LTBP1: variants seen among roughly 807,000 people sequenced by gnomAD.
LTBP1 encodes latent transforming growth factor beta binding protein 1.
In LTBP1, 129 loss-of-function variants were observed where a neutral mutation model predicts 207.6. The observed-to-expected ratio is 0.62, with a 90% CI of 0.54 to 0.72. The LOEUF is 0.72. LTBP1 is among the 30% of genes least tolerant of loss of function. The pLI, the probability that LTBP1 is intolerant of heterozygous loss-of-function variation, is 0.00. For synonymous variants in LTBP1, 963 were observed against 833.7 expected, an observed-to-expected ratio of 1.16 and a Z score of -2.67; for missense variants, 2,281 against 2,217.2, an observed-to-expected ratio of 1.03 and a Z score of -0.58.
chr2:33,364,386 C>A, intron 30 of LTBP1, 30 bp downstream of exon 30: 1 of 1,583,088 alleles, frequency 6.3e-7, no homozygotes, highest in Non-Finnish European at 8.6e-7. Context: ...AAACCTGTGT[C>A]CAAATAACTA....
chr2:33,010,766 C>T (rs542221582), intron 2 of LTBP1, among the ~76,000 whole-genome samples: 1 of 147,228 alleles, frequency 6.8e-6, no homozygotes, highest in Admixed American at 6.9e-5. Context: ...TGTCACCAAG[C>T]TGGAGTGCAG....
In LTBP1 at chr2:33,047,602, G is replaced by A. The variant is rs1388824076; in HGVS notation, c.863+26396G>A. ...AGATTGTATATTCTGTTGATTTGGG[G>A]TGGAGAGTTCTGTAGACGTCTGTTA... On this transcript the variant is annotated intron_variant, in intron 3 of 33. Coordinates refer to ENST00000404816, the MANE Select transcript of LTBP1 (RefSeq NM_206943.4). Among the ~76,000 whole-genome samples, 3 of 152,286 alleles carry A rather than the reference G, an allele frequency of 2.0e-5. No homozygotes were observed. In the Middle Eastern group the frequency reaches 0.01, roughly 518 times the overall value.
At chr2:33,381,962 G>A (rs1436212613) in intron 31 of LTBP1, among the ~76,000 whole-genome samples, 1 of 151,746 alleles carries the variant, frequency 6.6e-6, no homozygotes, top group Non-Finnish European at 1.5e-5. Context: ...ATGAAACAGT[G>A]TATGCAAAAG....
chr2:33,352,022 C>T (rs1406252145), intron 26 of LTBP1, among the ~76,000 whole-genome samples: 1 of 152,214 alleles, frequency 6.6e-6, no homozygotes, highest in Non-Finnish European at 1.5e-5. Flanking sequence ...CTCCTATTTC[C>T]AGCTGCCTAT....
intron 3 of LTBP1, among the ~76,000 whole-genome samples, chr2:33,081,368 T>C (rs777700594): frequency 9.2e-5 from 14 of 152,038 alleles, no homozygotes; most frequent in Non-Finnish European, 1.6e-4. Flanking sequence ...CAGATATACA[T>C]ATACACACAT....
At chr2:33,037,807 T>C (rs981763172) in intron 3 of LTBP1, among the ~76,000 whole-genome samples, 1 of 152,256 alleles carries the variant, frequency 6.6e-6, no homozygotes, top group Non-Finnish European at 1.5e-5. Flanking sequence ...AGCCTTGACC[T>C]GCTGGGCTTA....
intron 7 of LTBP1, among the ~76,000 whole-genome samples, chr2:33,199,691 G>GT (rs1558800747): frequency 6.6e-6 from 1 of 152,202 alleles, no homozygotes; most frequent in African/African-American, 2.4e-5. Flanking sequence ...AATTGTCCCT[G>GT]TTGGCAGATG....
At chr2:33,387,741 T>TC (rs2095279436) in intron 31 of LTBP1, among the ~76,000 whole-genome samples, 1 of 151,568 alleles carries the variant, frequency 6.6e-6, no homozygotes, top group Admixed American at 6.6e-5. Flanking sequence ...GTGGGGTTTT[T>TC]TTTTTTTGTA....
At chr2:33,257,034 G>C (rs147388795) in intron 11 of LTBP1, among the ~76,000 whole-genome samples, 8 of 151,268 alleles carry the variant, frequency 5.3e-5, no homozygotes, top group African/African-American at 1.9e-4. Flanking sequence ...TGTATATTCT[G>C]ATTTGGGTAG....
chr2:32,982,280 C>A (rs1682880202), intron 2 of LTBP1, among the ~76,000 whole-genome samples: 1 of 152,108 alleles, frequency 6.6e-6, no homozygotes, highest in Admixed American at 6.5e-5. Flanking sequence ...ATCTGTGGAA[C>A]TTTGAGCTTG....
chr2:33,176,265 C>G (rs1215546928), intron 5 of LTBP1, among the ~76,000 whole-genome samples: 1 of 152,158 alleles, frequency 6.6e-6, no homozygotes, highest in Non-Finnish European at 1.5e-5. Context: ...CTCGCTCTGT[C>G]GCGCAGGCTG....
At chr2:32,964,046 T>C (rs1679556885) in intron 2 of LTBP1, among the ~76,000 whole-genome samples, 1 of 152,254 alleles carries the variant, frequency 6.6e-6, no homozygotes. Flanking sequence ...GTCTAGAGCA[T>C]ACTCTTGGAA....
At chr2:33,342,623 T>C (rs1212243479) in intron 24 of LTBP1, among the ~76,000 whole-genome samples, 1 of 152,242 alleles carries the variant, frequency 6.6e-6, no homozygotes, top group Non-Finnish European at 1.5e-5. Context: ...TAAATGTTTT[T>C]TTCATAGAAC....
intron 5 of LTBP1, among the ~76,000 whole-genome samples, chr2:33,176,167 A>G (rs1007779710): frequency 6.6e-6 from 1 of 152,058 alleles, no homozygotes; most frequent in Non-Finnish European, 1.5e-5. Flanking sequence ...ATAATAAAAT[A>G]AAAAAATAGA....
At chr2:33,043,512 G>A (rs531908914) in intron 3 of LTBP1, among the ~76,000 whole-genome samples, 26 of 152,250 alleles carry the variant, frequency 1.7e-4, no homozygotes, top group African/African-American at 6.3e-4. Flanking sequence ...GAGAAGACAG[G>A]AGCCACGTGC....
chr2:33,011,935 T>C (rs1687726525), intron 2 of LTBP1, among the ~76,000 whole-genome samples: 1 of 152,132 alleles, frequency 6.6e-6, no homozygotes, highest in Non-Finnish European at 1.5e-5. Flanking sequence ...TTTATTTCTC[T>C]CCGATTTCAG....
intron 2 of LTBP1, among the ~76,000 whole-genome samples, chr2:32,983,746 C>T (rs1327526528): frequency 2.0e-5 from 3 of 152,150 alleles, no homozygotes; most frequent in African/African-American, 7.2e-5. Context: ...GTAAAATGTG[C>T]CTTTGCTCCT....
At chr2:33,257,176 A>G (rs2092886175) in intron 11 of LTBP1, 108 bp from the exon 12 acceptor site, 2 of 749,862 alleles carry the variant, frequency 2.7e-6, no homozygotes, top group Admixed American at 2.9e-5. Context: ...TTTAAAATGT[A>G]ACTACATTAG....
chr2:33,188,594 A>G lies in LTBP1; in HGVS notation c.1444A>G (p.Ile482Val). The change falls in exon 7 of 34, where the codon ATA becomes GTA. Residue 482 changes from isoleucine (I) to valine (V), a missense_variant. This residue lies in a region of LTBP1 where 1,671 missense variants were observed against 1,634.8 expected (regional missense o/e 1.02). Coordinates refer to ENST00000404816, the MANE Select transcript of LTBP1 (RefSeq NM_206943.4). ...TGTTGTAGTGAAATTTCCTCCTAAC[A>G]TAGTCAATATCCATGTGAAACATCC... ...QGVKVKFPPN[I>V]VNIHVKHPPE... 6.2e-7 allele frequency: 1 copy of G among 1,612,822 alleles called. No individual in the cohort carries two copies. The highest frequency in any genetic ancestry group is 8.5e-7 in the Non-Finnish European group (1 of 1,179,606).
Sources: allele counts gnomAD v4.1 joint callset (sites outside exome capture counted in the v4.1 genomes callset), GRCh38; gene constraint gnomAD v4.1.1; regional missense constraint gnomAD v4.1.1; transcripts MANE v1.5; gene names NCBI Gene and HGNC (gene_info 2026-07-23, HGNC 2026-07-21).